Variants in DMD observed in about 807,000 individuals in gnomAD.
DMD encodes the protein dystrophin.
A neutral mutation model predicts 330.1 loss-of-function variants in DMD; 63 were observed. The observed-to-expected ratio is 0.19, with a 90% CI of 0.16 to 0.24. The LOEUF (loss-of-function observed/expected upper bound fraction) is 0.24, where lower values mean the gene tolerates loss of function less well. Among genes scored for constraint, DMD ranks in the 10% least tolerant of loss-of-function variants. The pLI is 1.00. For missense variants in DMD, 3,344 were observed against 2,684.1 expected (o/e 1.25, Z -5.43); for synonymous variants, 1,223 against 959.8 (o/e 1.27, Z -5.07).
chrX:33,085,581 C>A (rs772182765), intron 1 of DMD, among the ~76,000 whole-genome samples: 4 of 112,192 alleles, frequency 3.6e-5, no homozygotes, highest in African/African-American at 1.3e-4. Context: ...GTTTATGTTT[C>A]ATTAATCAAG....
At chrX:31,336,966 T>C (rs1360716546) in intron 61 of DMD, among the ~76,000 whole-genome samples, 5 of 105,504 alleles carry the variant, frequency 4.7e-5, no homozygotes, top group African/African-American at 1.7e-4. Context: ...CCCTGTTGCC[T>C]AGGCTGGTGT....
chrX:32,436,277 A>G (rs1307452636), intron 29 of DMD, among the ~76,000 whole-genome samples: 1 of 111,754 alleles, frequency 8.9e-6, no homozygotes, highest in Non-Finnish European at 1.9e-5. Flanking sequence ...ATTAATTTCC[A>G]GTAAGTAGTT....
At chrX:31,159,433 T>TTTAA (rs1388189417) in intron 74 of DMD, among the ~76,000 whole-genome samples, 2 of 111,928 alleles carry the variant, frequency 1.8e-5, no homozygotes, top group African/African-American at 6.5e-5. Flanking sequence ...AAGGTCATAT[T>TTTAA]TTAACTATTA....
At chrX:31,822,650 A>AGGG (rs34299113) in intron 49 of DMD, among the ~76,000 whole-genome samples, 5 of 14,370 alleles carry the variant, frequency 3.5e-4, no homozygotes, top group African/African-American at 2.1e-3. Flanking sequence ...AAAAAGGCAG[A>AGGG]GGGGTGTGTG....
intron 1 of DMD, among the ~76,000 whole-genome samples, chrX:33,032,513 G>A (rs904292797): frequency 2.7e-5 from 3 of 111,987 alleles, no homozygotes; most frequent in Non-Finnish European, 5.6e-5. Context: ...AGAGAGGGTT[G>A]TATTCCATCA....
chrX:32,451,397 A>C (rs2098329450), intron 26 of DMD, among the ~76,000 whole-genome samples: 1 of 110,672 alleles, frequency 9.0e-6, no homozygotes. Flanking sequence ...AATAGAGTAA[A>C]AATTAAAAAA....
intron 60 of DMD, among the ~76,000 whole-genome samples, chrX:31,442,541 T>G (rs1011921455): frequency 9.3e-4 from 97 of 103,847 alleles, no homozygotes; most frequent in African/African-American, 3.4e-3. Context: ...CACTTAGCAT[T>G]GATTAAAAAA....
intron 63 of DMD, among the ~76,000 whole-genome samples, chrX:31,240,212 A>T (rs1202367735): frequency 9.0e-6 from 1 of 111,019 alleles, no homozygotes; most frequent in Non-Finnish European, 1.9e-5. Context: ...GAAAAAAAAA[A>T]CTCCAGGTTA....
rs189398515 is a variant in DMD at position 32,224,787 on chromosome X, G to C, written c.6291-7724C>G. Among the ~76,000 whole-genome samples, 6 of 111,264 alleles carry C rather than the reference G, an allele frequency of 5.4e-5. No individual in the cohort carries two copies. The East Asian group carries it at 1.4e-3, about 26-fold the overall frequency. On this transcript the variant is annotated intron_variant, in intron 43 of 78. Transcript: ENST00000357033. ...TGTTCTCAGGCTTCAAATACGTTTG[G>C]AGTCATACTTTGATTTTAAGTTTCT...
chrX:32,389,645 A>T lies in DMD; in HGVS notation c.4374T>A (p.Phe1458Leu). The T allele has an allele frequency of 8.3e-7, 1 of 1,210,999 alleles. No individual in the cohort carries two copies. Among genetic ancestry groups the T allele is most frequent in the South Asian group, 1.8e-5 (1 of 57,003 alleles). ...QKKLQDVSMK[F>L]RLFQKPANFE... The stretch of plus-strand genomic sequence containing the variant: ...AATTGGCTGGTTTCTGGAATAATCG[A>T]AACTTCATGGAGACATCTTGTAATT... Residue 1458 changes from phenylalanine (F) to leucine (L), a missense_variant, in exon 32 of 79, where the codon TTT becomes TTA. Coordinates refer to ENST00000357033, the MANE Select transcript of DMD (RefSeq NM_004006.3).
At chrX:32,269,769 C>G (rs1569555142) in intron 43 of DMD, among the ~76,000 whole-genome samples, 1 of 111,938 alleles carries the variant, frequency 8.9e-6, no homozygotes, top group Admixed American at 9.5e-5. Context: ...CTAGTTATTA[C>G]AAGACTGTAT....
chrX:32,292,299 A>ATTTTTTTTTTTTTTTTTTTTTTTT (rs1355530949), intron 42 of DMD, among the ~76,000 whole-genome samples: 4 of 30,846 alleles, frequency 1.3e-4, no homozygotes, highest in Admixed American at 9.4e-4. Flanking sequence ...CAAAGGGAAT[A>ATTTTTTTTTTTTTTTTTTTTTTTT]TTCTTTTTTT....
chrX:32,557,574 C>A (rs1236307095), intron 16 of DMD, among the ~76,000 whole-genome samples: 1 of 111,679 alleles, frequency 9.0e-6, no homozygotes, highest in Non-Finnish European at 1.9e-5. Flanking sequence ...AGGAATTGCA[C>A]TTCTGCAGTT....
chrX:31,470,612 A>G (rs1681065566), intron 59 of DMD, among the ~76,000 whole-genome samples: 1 of 112,203 alleles, frequency 8.9e-6, no homozygotes, highest in African/African-American at 3.2e-5. Flanking sequence ...TCTCCCAGTC[A>G]GGAGGCACGG....
At chrX:33,070,838 G>A (rs2094744203) in intron 1 of DMD, among the ~76,000 whole-genome samples, 1 of 107,944 alleles carries the variant, frequency 9.3e-6, no homozygotes, top group Non-Finnish European at 1.9e-5. Context: ...ACAAGGGAAT[G>A]AAATGGTGAA....
chrX:32,766,485 T>TC (rs2072998685), intron 7 of DMD, among the ~76,000 whole-genome samples: 1 of 111,711 alleles, frequency 9.0e-6, no homozygotes, highest in Non-Finnish European at 1.9e-5. Context: ...TTCCTTAATC[T>TC]CCTTTTTGGA....
intron 54 of DMD, among the ~76,000 whole-genome samples, chrX:31,628,601 T>C (rs1478486119): frequency 9.0e-6 from 1 of 111,070 alleles, no homozygotes; most frequent in Non-Finnish European, 1.9e-5. Context: ...TTATGTGTAA[T>C]GAAAAAGAGT....
chrX:32,461,633 G>A (rs2098383558), intron 25 of DMD, among the ~76,000 whole-genome samples: 1 of 109,441 alleles, frequency 9.1e-6, no homozygotes, highest in South Asian at 3.8e-4. Context: ...TGAGGTTTTA[G>A]TAATATTGTT....
At chrX:31,743,997 C>A (rs2087599870) in intron 51 of DMD, among the ~76,000 whole-genome samples, 1 of 110,788 alleles carries the variant, frequency 9.0e-6, no homozygotes, top group African/African-American at 3.3e-5. Context: ...GCTGGCAGGG[C>A]TCCTTACAGC....
Sources: gnomAD v4.1 joint callset for allele counts (sites outside exome capture counted in the v4.1 genomes callset) on GRCh38, gnomAD v4.1.1 for gene constraint, MANE v1.5 for transcripts, NCBI Gene and HGNC (gene_info 2026-07-23, HGNC 2026-07-21) for gene names.